Variants in ATP5F1E observed in about 807,000 individuals in gnomAD.
The protein encoded by ATP5F1E is ATP synthase F1 subunit epsilon.
Under a neutral mutation model 7.0 loss-of-function variants are expected in ATP5F1E, and 5 were observed. The observed-to-expected ratio is 0.71, with a 90% CI of 0.37 to 1.49. The LOEUF is 1.49. Among genes scored for constraint, ATP5F1E ranks in the 40% most tolerant of loss-of-function variants. ATP5F1E has a pLI of 0.03. For missense variants in ATP5F1E, 59 were observed against 57.1 expected, an observed-to-expected ratio of 1.03 and a Z score of -0.11; for synonymous variants, 20 against 20.1, an observed-to-expected ratio of 0.99 and a Z score of 0.02.
intron 2 of ATP5F1E, chr20:59,029,236 TGAGCC>T (rs2092010432): frequency 6.6e-6 from 1 of 152,208 alleles, no homozygotes; most frequent in Non-Finnish European, 1.5e-5. Context: ...CTGGCAGCTC[TGAGCC>T]GAGTGAGGCT....
chr20:59,031,675 G>T (rs2146384772), intron 1 of ATP5F1E, among the ~76,000 whole-genome samples: 1 of 152,266 alleles, frequency 6.6e-6, no homozygotes, highest in Non-Finnish European at 1.5e-5. Context: ...CTTTGTGAGG[G>T]GCTCTCGACA....
chr20:59,029,015 G>A (rs1442483842), intron 2 of ATP5F1E, 174 bp from the exon 3 acceptor site: 2 of 153,066 alleles, frequency 1.3e-5, no homozygotes, highest in East Asian at 3.8e-4. Context: ...GCTTAGTCAA[G>A]CAGGCATTTT....
intron 1 of ATP5F1E, 127 bp downstream of exon 1, chr20:59,032,093 A>C: frequency 7.4e-7 from 1 of 1,345,642 alleles, no homozygotes. Flanking sequence ...CTTGGCGGCG[A>C]CGCCCGAGGC....
In ATP5F1E at chr20:59,032,091, C is replaced by T. The variant is rs567727772; in HGVS notation, c.32+129G>A. The T allele has an allele frequency of 3.2e-5, 43 of 1,328,518 alleles. No individual in the cohort carries two copies. The African/African-American group carries it at 5.0e-4, about 16-fold the overall frequency. 82.3% of individuals were successfully genotyped at this position (1,328,518 alleles called of 1,614,324 possible). On this transcript the variant is annotated intron_variant, in intron 1 of 2. Coordinates refer to ENST00000243997, the MANE Select transcript of ATP5F1E (RefSeq NM_006886.4). ...GCCCACAGCGACGCCATCTTGGCGG[C>T]GACGCCCGAGGCTTGGCCCAACCCC...
Position 59,028,286 on chromosome 20 carries a change from T to C in ATP5F1E, c.*559A>G, listed in dbSNP as rs879549017. ...TTACAAAACAATGTGAAAAACACTT[T>C]GTGCTTAAATTCTGTAACCGTTCTT... On this transcript the variant is annotated 3_prime_UTR_variant, in exon 3 of 3. Transcript: ENST00000243997. 17 of 152,262 alleles carry C rather than the reference T, an allele frequency of 1.1e-4. No homozygotes were observed. The highest frequency in any genetic ancestry group is 1.1e-3 in the Admixed American group (17 of 15,282). 9.4% of individuals were successfully genotyped at this position (152,262 alleles called of 1,614,324 possible). A position where few individuals can be genotyped will look rare whatever the true frequency, so the allele number is the denominator to read the frequency against.
rs748675457 is a variant in ATP5F1E at position 59,032,270 on chromosome 20, C to G, written c.-19G>C. On this transcript the variant is annotated 5_prime_UTR_variant, in exon 1 of 3. Transcript: ENST00000243997. Reference sequence around the variant, plus strand: ...CCACCATGCTGTAGCGAAAGCGGAGCTCGTCGGGCCGAATCGCCAAGACGC... The same window carrying G: ...CCACCATGCTGTAGCGAAAGCGGAGGTCGTCGGGCCGAATCGCCAAGACGC... 3 of 1,598,276 alleles carry G rather than the reference C, an allele frequency of 1.9e-6. No homozygotes were observed. The highest frequency in any genetic ancestry group is 1.7e-5 in the Admixed American group (1 of 57,880).
Position 59,032,165 on chromosome 20 carries a change from CG to C in ATP5F1E, c.32+54del. The C allele has an allele frequency of 3.8e-6, 6 of 1,563,748 alleles. 1 individual carries two copies. In the South Asian group the frequency reaches 7.0e-5, roughly 18 times the overall value. On this transcript the variant is annotated intron_variant, in intron 1 of 2. Transcript: ENST00000243997. ...TGTGTCCTGCATGACCTCTGGGCAC[CG>C]GGATGCGCGCGGGCCGGCTCGCGAA...
chr20:59,032,193 C>A (rs2092036599), intron 1 of ATP5F1E, 27 bp downstream of exon 1: 36 of 1,560,418 alleles, frequency 2.3e-5, no homozygotes, highest in Non-Finnish European at 3.1e-5. Context: ...GCTCGCGAAG[C>A]CCTTCCCTCT....
At position 59,032,242 on chromosome 20, in the gene ATP5F1E, A is replaced by G; in HGVS notation, c.10T>C (p.Tyr4His). ...TACCTGAGTCCAGCCTGTCTCCAGTAGGCCACCATGCTGTAGCGAAAGCGG... is the reference window on the plus strand; with the variant it reads ...TACCTGAGTCCAGCCTGTCTCCAGTGGGCCACCATGCTGTAGCGAAAGCGG... MVAYWRQAGLSYIR... is the reference protein window; with the variant it reads MVAHWRQAGLSYIR... Residue 4 changes from tyrosine to histidine, a missense_variant, in exon 1 of 3, where the codon TAC (tyrosine) becomes CAC (histidine). Transcript: ENST00000243997. The G allele has an allele frequency of 6.2e-7, 1 of 1,600,540 alleles. No individual in the cohort carries two copies. The highest frequency in any genetic ancestry group is 1.7e-5 in the Admixed American group (1 of 58,234).
intron 1 of ATP5F1E, 83 bp downstream of exon 1, chr20:59,032,137 C>T: frequency 6.5e-7 from 1 of 1,531,698 alleles, no homozygotes; most frequent in Non-Finnish European, 8.8e-7. Context: ...GGGGCCGCTG[C>T]TCTGTGTCCT....
intron 1 of ATP5F1E, 66 bp from the exon 2 acceptor site, chr20:59,030,495 G>T: frequency 6.3e-7 from 1 of 1,594,992 alleles, no homozygotes; most frequent in Non-Finnish European, 8.6e-7. Flanking sequence ...CTGTTACTGT[G>T]TTTTCGCTTT....
At chr20:59,030,194 A>G in intron 2 of ATP5F1E, 109 bp downstream of exon 2, 3 of 1,430,504 alleles carry the variant, frequency 2.1e-6, no homozygotes, top group Non-Finnish European at 1.9e-6. Context: ...TAACTTCCAA[A>G]TACACTGACT....
rs761805975 is a variant in ATP5F1E, at chr20:59,032,260, G to A, written c.-9C>T. On this transcript the variant is annotated 5_prime_UTR_variant, in exon 1 of 3. Transcript: ENST00000243997. ...CTCCAGTAGGCCACCATGCTGTAGC[G>A]AAAGCGGAGCTCGTCGGGCCGAATC... 15 of 1,600,936 alleles carry A rather than the reference G, an allele frequency of 9.4e-6. No homozygotes were observed. The highest frequency in any genetic ancestry group is 1.3e-5 in the Non-Finnish European group (15 of 1,174,450).
rs1466636576 is a variant in ATP5F1E, at chr20:59,032,208, G to A, written c.32+12C>T. The A allele has an allele frequency of 1.3e-6, 2 of 1,575,612 alleles. No homozygotes were observed. Among genetic ancestry groups the A allele is most frequent in the East Asian group, 2.3e-5 (1 of 43,060 alleles). On this transcript the variant is annotated intron_variant, in intron 1 of 2. Transcript: ENST00000243997. ...GCTCGCGAAGCCCTTCCCTCTGGAG[G>A]CCTGGGCCTACCTGAGTCCAGCCTG...
chr20:59,029,762 T>C (rs1462696720), intron 2 of ATP5F1E: 1 of 166,986 alleles, frequency 6.0e-6, no homozygotes, highest in Non-Finnish European at 1.3e-5. Context: ...TCTGAAAGCA[T>C]AATAAATTAG....
chr20:59,030,858 A>G (rs930309719), intron 1 of ATP5F1E, among the ~76,000 whole-genome samples: 3 of 152,230 alleles, frequency 2.0e-5, no homozygotes, highest in Non-Finnish European at 4.4e-5. Context: ...GGTATACATA[A>G]GAGAAAACTA....
At chr20:59,029,985 C>T (rs1376086437) in intron 2 of ATP5F1E, 1 of 334,862 alleles carries the variant, frequency 3.0e-6, no homozygotes, top group East Asian at 7.9e-5. Flanking sequence ...GGGAGTTCAT[C>T]CTCCAAATTA....
rs1358685229 is a variant in ATP5F1E, at chr20:59,032,259, C to T, written c.-8G>A. On this transcript the variant is annotated 5_prime_UTR_variant, in exon 1 of 3. Transcript: ENST00000243997. Reference sequence around the variant, plus strand: ...TCTCCAGTAGGCCACCATGCTGTAGCGAAAGCGGAGCTCGTCGGGCCGAAT... The same window carrying T: ...TCTCCAGTAGGCCACCATGCTGTAGTGAAAGCGGAGCTCGTCGGGCCGAAT... The T allele has an allele frequency of 2.5e-6, 4 of 1,601,144 alleles. No homozygotes were observed. Among genetic ancestry groups the T allele is most frequent in the Non-Finnish European group, 3.4e-6 (4 of 1,174,524 alleles).
chr20:59,027,483 T>C lies in ATP5F1E; in HGVS notation c.*1362A>G, dbSNP rs1438309338. 1 of 152,238 alleles carries C rather than the reference T, an allele frequency of 6.6e-6. No homozygotes were observed. The highest frequency in any genetic ancestry group is 1.5e-5 in the Non-Finnish European group (1 of 68,038). The allele number at this position is 152,238 out of a possible 1,614,324, so 9.4% of individuals were successfully genotyped here. A position where few individuals can be genotyped will look rare whatever the true frequency, so the allele number is the denominator to read the frequency against. The stretch of plus-strand genomic sequence containing the variant: ...TAATAAATGACTTATCTCTAATTAC[T>C]TGACTGGAAATCATTTAGCCCCTTT... On this transcript the variant is annotated 3_prime_UTR_variant, in exon 3 of 3. Coordinates refer to ENST00000243997, the MANE Select transcript of ATP5F1E (RefSeq NM_006886.4).
Sources: gnomAD v4.1 joint callset for allele counts (sites outside exome capture counted in the v4.1 genomes callset) on GRCh38, gnomAD v4.1.1 for gene constraint, MANE v1.5 for transcripts, NCBI Gene and HGNC (gene_info 2026-07-23, HGNC 2026-07-21) for gene names.